The following SMCHD1 variants were observed in gnomAD, a reference collection of about 807,000 sequenced individuals.
SMCHD1 encodes the protein structural maintenance of chromosomes flexible hinge domain-containing protein 1.
A neutral mutation model predicts 254.7 loss-of-function variants in SMCHD1; 78 were observed. The ratio of observed to expected loss-of-function variants is 0.31; its 90% CI spans 0.26 to 0.37. The LOEUF is 0.37. SMCHD1 is among the 10% of genes least tolerant of loss of function. The pLI, the probability that SMCHD1 is intolerant of heterozygous loss-of-function variation, is 1.00. For missense variants in SMCHD1, 1,840 were observed against 2,408.1 expected (o/e 0.76, Z 4.94); for synonymous variants, 766 against 794.9 (o/e 0.96, Z 0.61).
intron 25 of SMCHD1, among the ~76,000 whole-genome samples, chr18:2,734,962 T>C (rs1373933951): frequency 6.6e-6 from 1 of 151,806 alleles, no homozygotes; most frequent in East Asian, 1.9e-4. Flanking sequence ...TCCCAGCTAC[T>C]CAGGAGGCTG....
intron 5 of SMCHD1, among the ~76,000 whole-genome samples, chr18:2,680,548 C>G (rs1246420867): frequency 1.3e-5 from 2 of 152,204 alleles, no homozygotes; most frequent in Non-Finnish European, 2.9e-5. Flanking sequence ...GTTTACAACT[C>G]TGCCTTACTT....
At chr18:2,793,575 G>T (rs920367638) in intron 45 of SMCHD1, among the ~76,000 whole-genome samples, 28 of 148,804 alleles carry the variant, frequency 1.9e-4, no homozygotes, top group Admixed American at 1.1e-3. Context: ...TGAGGCAGGA[G>T]AATGGCGTGA....
At chr18:2,708,867 C>T (rs1598347223) in intron 17 of SMCHD1, among the ~76,000 whole-genome samples, 1 of 8,286 alleles carries the variant, frequency 1.2e-4, no homozygotes, top group African/African-American at 4.0e-4. Context: ...TCAATAACTT[C>T]ATATATATAT....
chr18:2,714,945 A>G (rs1216634716), intron 17 of SMCHD1, among the ~76,000 whole-genome samples: 2 of 152,188 alleles, frequency 1.3e-5, no homozygotes, highest in East Asian at 3.8e-4. Context: ...ACTAGCTTAT[A>G]AGGTACCTGC....
At chr18:2,771,265 TTAAG>T in intron 39 of SMCHD1, among the ~76,000 whole-genome samples, 1 of 152,242 alleles carries the variant, frequency 6.6e-6, no homozygotes, top group East Asian at 1.9e-4. Flanking sequence ...TGGATTAAGA[TTAAG>T]TAACTTATCC....
At chr18:2,701,071 A>G (rs1272082897) in intron 12 of SMCHD1, 153 bp downstream of exon 12, 3 of 508,742 alleles carry the variant, frequency 5.9e-6, no homozygotes, top group Non-Finnish European at 9.9e-6. Flanking sequence ...TCACATTACT[A>G]AAAAATTTAA....
rs576436002 is a variant in SMCHD1, at chr18:2,690,653, T to C, written c.873+1906T>C. On this transcript the variant is annotated intron_variant, in intron 7 of 47. Transcript: ENST00000320876. ...CACCTGGCTAATTTTTTTCTTTTTT[T>C]TTTTTTTTTTAGTGGAGATGGAGTT... 2.0e-5 allele frequency among the ~76,000 whole-genome samples: 3 copies of C among 151,132 alleles called. No individual in the cohort carries two copies. The South Asian group carries it at 6.2e-4, about 31-fold the overall frequency.
intron 1 of SMCHD1, 87 bp from the exon 2 acceptor site, chr18:2,666,070 C>A: frequency 1.6e-6 from 1 of 633,654 alleles, no homozygotes; most frequent in Non-Finnish European, 2.7e-6. Flanking sequence ...TTATAATGTA[C>A]TATCAATATT....
chr18:2,745,319 C>T (rs2075432791), intron 29 of SMCHD1, among the ~76,000 whole-genome samples: 1 of 152,144 alleles, frequency 6.6e-6, no homozygotes, highest in African/African-American at 2.4e-5. Context: ...GTTCCCAGCC[C>T]ATGTTTTCTG....
intron 17 of SMCHD1, among the ~76,000 whole-genome samples, chr18:2,713,686 AATATAT>A (rs1283484292): frequency 6.6e-6 from 1 of 152,154 alleles, no homozygotes; most frequent in Non-Finnish European, 1.5e-5. Flanking sequence ...TCCATCTCAA[AATATAT>A]ATATGTATTT....
At position 2,655,919 on chromosome 18, in the gene SMCHD1, G is replaced by A; in HGVS notation, c.-157G>A. The A allele has an allele frequency of 2.2e-6, 1 of 462,844 alleles. No homozygotes were observed. Among genetic ancestry groups the A allele is most frequent in the Non-Finnish European group, 3.4e-6 (1 of 291,038 alleles). 28.7% of individuals were successfully genotyped at this position (462,844 alleles called of 1,614,324 possible). ...TTCCCGGGTGATCCTCGCGCCTGCC[G>A]CTGCTCGGCCGCCGCCGCTGACGAG... On this transcript the variant is annotated 5_prime_UTR_variant, in exon 1 of 48. Coordinates refer to ENST00000320876, the MANE Select transcript of SMCHD1 (RefSeq NM_015295.3).
intron 46 of SMCHD1, 106 bp from the exon 47 acceptor site, chr18:2,796,301 C>G: frequency 1.2e-6 from 1 of 865,372 alleles, no homozygotes; most frequent in Non-Finnish European, 1.8e-6. Flanking sequence ...TCTCAGTATA[C>G]TTTCTTAATT....
At chr18:2,749,639 A>G (rs544400522) in intron 30 of SMCHD1, among the ~76,000 whole-genome samples, 3 of 152,330 alleles carry the variant, frequency 2.0e-5, no homozygotes, top group East Asian at 1.9e-4. Flanking sequence ...AGATAGTGCT[A>G]TGATGCTTTG....
chr18:2,662,200 TAAA>T (rs1158092671), intron 1 of SMCHD1, among the ~76,000 whole-genome samples: 5 of 106,640 alleles, frequency 4.7e-5, no homozygotes, highest in Non-Finnish European at 5.2e-5. Flanking sequence ...AATAAATAAA[TAAA>T]GAAAGAAAGA....
At chr18:2,786,004 C>T (rs1377358700) in intron 45 of SMCHD1, among the ~76,000 whole-genome samples, 1 of 151,958 alleles carries the variant, frequency 6.6e-6, no homozygotes, top group Non-Finnish European at 1.5e-5. Flanking sequence ...CTTTTATTTA[C>T]TTTTTTCTTA....
At chr18:2,670,311 A>G (rs1186518332) in intron 3 of SMCHD1, among the ~76,000 whole-genome samples, 1 of 151,836 alleles carries the variant, frequency 6.6e-6, no homozygotes, top group Non-Finnish European at 1.5e-5. Flanking sequence ...TTAGCCCTGC[A>G]CTCATTTCTT....
At position 2,718,158 on chromosome 18, in the gene SMCHD1, C is replaced by T; in HGVS notation, c.2261C>T (p.Ser754Phe). 6.2e-7 allele frequency: 1 copy of T among 1,603,762 alleles called. No individual in the cohort carries two copies. Among genetic ancestry groups the T allele is most frequent in the Non-Finnish European group, 8.5e-7 (1 of 1,174,782 alleles). The change falls in exon 18 of 48, where the codon TCT (serine) becomes TTT (phenylalanine). Residue 754 changes from serine (S) to phenylalanine (F), a missense_variant and splice_region_variant. Coordinates refer to ENST00000320876, the MANE Select transcript of SMCHD1 (RefSeq NM_015295.3). The surrounding 1 kb of genome is among the most constrained non-coding windows in gnomAD (Gnocchi z 4.6). ...LLVELKVILHSSSGNKEIISH... is the reference protein window; with the variant it reads ...LLVELKVILHFSSGNKEIISH... ...ATTGTTTCTTTTTTCTTTTATTAAG[C>T]TTCAAGTGGAAATAAAGAGATTATT...
chr18:2,785,368 G>C (rs4797081), intron 45 of SMCHD1, among the ~76,000 whole-genome samples: 49,967 of 152,040 alleles, frequency 0.33, 9,915 homozygotes, highest in Non-Finnish European at 0.45. Flanking sequence ...GTACAGTTTG[G>C]CCGGGCTCGA....
chr18:2,720,573 CTT>C (rs1400759654), intron 19 of SMCHD1, among the ~76,000 whole-genome samples: 1 of 152,126 alleles, frequency 6.6e-6, no homozygotes, highest in Non-Finnish European at 1.5e-5. Flanking sequence ...GGTCTTGTCT[CTT>C]TGGCTATTCA....
Sources: gnomAD v4.1 joint callset for allele counts (sites outside exome capture counted in the v4.1 genomes callset) on GRCh38, gnomAD v4.1.1 for gene constraint, Gnocchi (gnomAD v3.1) non-coding constraint, MANE v1.5 for transcripts, NCBI Gene and HGNC (gene_info 2026-07-23, HGNC 2026-07-21) for gene names.